Variants in KDM3A observed in about 807,000 individuals in gnomAD.
KDM3A encodes lysine demethylase 3A.
In KDM3A, 60 loss-of-function variants were observed where a neutral mutation model predicts 158.0. That is an observed-to-expected ratio of 0.38 (90% CI 0.31 to 0.47). The LOEUF is 0.47. Among genes scored for constraint, KDM3A ranks in the 20% least tolerant of loss-of-function variants. KDM3A has a pLI of 0.99. For synonymous variants in KDM3A, 608 were observed against 549.3 expected (o/e 1.11, Z -1.49); for missense variants, 1,319 against 1,574.3 (o/e 0.84, Z 2.74).
intron 9 of KDM3A, 95 bp from the exon 10 acceptor site, chr2:86,466,277 C>T: frequency 7.8e-7 from 1 of 1,287,858 alleles, no homozygotes; most frequent in Non-Finnish European, 1.1e-6. Context: ...TTCTTTCATA[C>T]TCGTTACCTT....
chr2:86,485,666 G>A, intron 20 of KDM3A, 63 bp from the exon 21 acceptor site: 2 of 1,590,998 alleles, frequency 1.3e-6, no homozygotes. Context: ...AACAAAACAG[G>A]TTACACAATA....
intron 10 of KDM3A, among the ~76,000 whole-genome samples, chr2:86,468,976 G>A (rs941030918): frequency 1.3e-5 from 2 of 152,196 alleles, no homozygotes; most frequent in Non-Finnish European, 2.9e-5. Flanking sequence ...CCTGTGATCT[G>A]TGGAAGCCTG....
intron 3 of KDM3A, among the ~76,000 whole-genome samples, chr2:86,450,451 TC>T (rs1672399632): frequency 6.6e-6 from 1 of 152,188 alleles, no homozygotes; most frequent in Non-Finnish European, 1.5e-5. Flanking sequence ...TCTTTAAGGT[TC>T]CCTCTGGATT....
intron 12 of KDM3A, 40 bp downstream of exon 12, chr2:86,475,030 T>C (rs1394518037): frequency 6.5e-7 from 1 of 1,530,552 alleles, no homozygotes; most frequent in Non-Finnish European, 9.0e-7. Context: ...TCGAGCCCAA[T>C]TTGATTTTTG....
At chr2:86,455,390 C>CT (rs1358612259) in intron 5 of KDM3A, among the ~76,000 whole-genome samples, 1 of 150,658 alleles carries the variant, frequency 6.6e-6, no homozygotes, top group Non-Finnish European at 1.5e-5. Context: ...GTAGCTAGGA[C>CT]TACAGGCACG....
At chr2:86,483,963 A>G (rs115578396) in intron 18 of KDM3A, 24 bp from the exon 19 acceptor site, 45,269 of 1,596,474 alleles carry the variant, frequency 0.028, 804 homozygotes, top group Non-Finnish European at 0.033. Flanking sequence ...AGTTCAGACT[A>G]AAGTTTTCCT....
At chr2:86,444,307 C>G (rs1682865409) in intron 2 of KDM3A, among the ~76,000 whole-genome samples, 1 of 152,176 alleles carries the variant, frequency 6.6e-6, no homozygotes, top group Admixed American at 6.5e-5. Flanking sequence ...ACTGGGAATT[C>G]ATGTCAAAAA....
intron 8 of KDM3A, among the ~76,000 whole-genome samples, chr2:86,463,577 G>A (rs1673011307): frequency 6.6e-6 from 1 of 152,174 alleles, no homozygotes; most frequent in Admixed American, 6.5e-5. Flanking sequence ...TTATTGCATT[G>A]CAAAGGCTTA....
chr2:86,447,447 A>G (rs1683002507), intron 2 of KDM3A, among the ~76,000 whole-genome samples: 1 of 146,654 alleles, frequency 6.8e-6, no homozygotes, highest in Non-Finnish European at 1.5e-5. Flanking sequence ...AATCCTTCTT[A>G]ATTCTGCACT....
At chr2:86,478,499 G>A in intron 14 of KDM3A, 109 bp from the exon 15 acceptor site, 13 of 1,252,742 alleles carry the variant, frequency 1.0e-5, no homozygotes, top group Non-Finnish European at 1.3e-5. Flanking sequence ...ATGAAAAGGA[G>A]GGAGTGGGAA....
chr2:86,481,730 A>G (rs1041983565), intron 16 of KDM3A, among the ~76,000 whole-genome samples, 200 bp from the exon 17 acceptor site: 18 of 152,226 alleles, frequency 1.2e-4, no homozygotes, highest in Non-Finnish European at 2.5e-4. Flanking sequence ...ACAAAATTCC[A>G]TTGTACTGGA....
chr2:86,468,622 G>A (rs537211639), intron 10 of KDM3A, among the ~76,000 whole-genome samples: 2 of 151,994 alleles, frequency 1.3e-5, no homozygotes, highest in Admixed American at 6.6e-5. Context: ...AGGTGTGAGA[G>A]TGTGATCAGA....
chr2:86,446,459 T>C (rs1356244370), intron 2 of KDM3A, among the ~76,000 whole-genome samples: 1 of 152,146 alleles, frequency 6.6e-6, no homozygotes, highest in Non-Finnish European at 1.5e-5. Context: ...TCCCAATAAT[T>C]TGGTAGGCCA....
In KDM3A at chr2:86,480,027, G is replaced by A. The variant is rs548941142; in HGVS notation, c.2317-140G>A. Reference sequence around the variant, plus strand: ...CTAGTGCGGGATTACTGCAGCTGTGGGGATACCCAGGGCTAACTATTAGGT... The same window carrying A: ...CTAGTGCGGGATTACTGCAGCTGTGAGGATACCCAGGGCTAACTATTAGGT... On this transcript the variant is annotated intron_variant, in intron 15 of 25. Coordinates refer to ENST00000312912, the MANE Select transcript of KDM3A (RefSeq NM_018433.6). The A allele has an allele frequency of 1.1e-5, 7 of 653,734 alleles. No individual in the cohort carries two copies. In the East Asian group the frequency reaches 1.9e-4, roughly 17 times the overall value. The allele number at this position is 653,734 out of a possible 1,614,324, so 40.5% of individuals were successfully genotyped here.
chr2:86,456,446 C>T lies in KDM3A; in HGVS notation c.561C>T (p.Asp187=), dbSNP rs199889240. 2.6e-6 allele frequency: 3 copies of T among 1,140,862 alleles called. No individual in the cohort carries two copies. Among genetic ancestry groups the T allele is most frequent in the African/African-American group, 2.1e-5 (1 of 47,830 alleles). The allele number at this position is 1,140,862 out of a possible 1,614,324, so 70.7% of individuals were successfully genotyped here. The change falls in exon 6 of 26, where the codon GAC becomes GAT. Residue 187 remains aspartate (D), a synonymous_variant. Coordinates refer to ENST00000312912, the MANE Select transcript of KDM3A (RefSeq NM_018433.6). The stretch of plus-strand genomic sequence containing the variant: ...TTTTTTTTTTTTTTTTTTAAGGTGA[C>T]AAAAACTTAGTTGGTTCAGAAGTAA... ...HLDESHLLKG[D]KNLVGSEVKI... is the part of the protein sequence containing the mutation.
intron 4 of KDM3A, 118 bp downstream of exon 4, chr2:86,451,331 A>T (rs1426454679): frequency 7.0e-6 from 4 of 573,192 alleles, no homozygotes; most frequent in Middle Eastern, 9.2e-4. Flanking sequence ...TACTCCTTGC[A>T]CAGTAAAACA....
intron 11 of KDM3A, among the ~76,000 whole-genome samples, chr2:86,471,257 GTATATATA>G (rs764247411): frequency 6.6e-6 from 1 of 150,732 alleles, no homozygotes; most frequent in African/African-American, 2.5e-5. Flanking sequence ...ATATATGTGT[GTATATATA>G]TGTGTATATA....
At chr2:86,475,044 C>G in intron 12 of KDM3A, 54 bp downstream of exon 12, 2 of 1,388,128 alleles carry the variant, frequency 1.4e-6, no homozygotes, top group Non-Finnish European at 2.0e-6. Flanking sequence ...ATTTTTGTTC[C>G]TAAGTGACAC....
chr2:86,469,330 GT>G (rs1673298053), intron 10 of KDM3A, among the ~76,000 whole-genome samples: 1 of 152,024 alleles, frequency 6.6e-6, no homozygotes, highest in Non-Finnish European at 1.5e-5. Context: ...TTTGACTTTC[GT>G]TTGTTTGCCT....
Sources: allele counts gnomAD v4.1 joint callset (sites outside exome capture counted in the v4.1 genomes callset), GRCh38; gene constraint gnomAD v4.1.1; transcripts MANE v1.5; gene names NCBI Gene and HGNC (gene_info 2026-07-23, HGNC 2026-07-21).